DIAPH1: variants seen among roughly 807,000 people sequenced by gnomAD.
DIAPH1 encodes the protein diaphanous related formin 1.
In DIAPH1, 46 loss-of-function variants were observed where a neutral mutation model predicts 140.7. The ratio of observed to expected loss-of-function variants is 0.33; its 90% CI spans 0.26 to 0.42. The LOEUF (loss-of-function observed/expected upper bound fraction) is 0.42. DIAPH1 is among the 10% of genes least tolerant of loss of function. DIAPH1 has a pLI of 1.00. For missense variants in DIAPH1, 1,310 were observed against 1,558.7 expected, an observed-to-expected ratio of 0.84 and a Z score of 2.69; for synonymous variants, 565 against 551.6, an observed-to-expected ratio of 1.02 and a Z score of -0.34.
intron 1 of DIAPH1, among the ~76,000 whole-genome samples, chr5:141,603,951 C>T (rs904781471): frequency 6.6e-6 from 1 of 152,192 alleles, no homozygotes; most frequent in Non-Finnish European, 1.5e-5. Context: ...GGAAAGGCCA[C>T]GCTGGTATCA....
In DIAPH1 at chr5:141,528,706, C is replaced by G. The variant is rs1244487491; in HGVS notation, c.3014G>C (p.Cys1005Ser). The change falls in exon 22 of 28, where the codon TGT becomes TCT. Residue 1005 changes from cysteine (C) to serine (S), a missense_variant. Around this residue, in one of 3 missense-constraint regions of DIAPH1, gnomAD observed 344 missense variants for 512.2 expected, o/e 0.67. Coordinates refer to ENST00000389054, the MANE Select transcript of DIAPH1 (RefSeq NM_005219.5). ...TGCCCTACCTCTTTGGCTCACCTTA[C>G]AGAGGAAGCTGATATTGAAGCCAAA... ...GAFGFNISFL[C>S]KLRDTKSTDQ... The G allele has an allele frequency of 1.2e-6, 2 of 1,614,228 alleles. No homozygotes were observed. The highest frequency in any genetic ancestry group is 3.3e-5 in the Admixed American group (2 of 60,030).
At position 141,612,024 on chromosome 5, in the gene DIAPH1, G is replaced by C. The variant is rs572955195; in HGVS notation, c.117+6774C>G. ...AGAGGCTCCGGTAAGCCGAGATTAT[G>C]CCACTGTACTCCAGCCTGAGCGACG... On this transcript the variant is annotated intron_variant, in intron 1 of 27. Transcript: ENST00000389054. Among the ~76,000 whole-genome samples the C allele has an allele frequency of 1.2e-4, 18 of 152,240 alleles. 1 individual carries two copies. In the South Asian group the frequency reaches 3.5e-3, roughly 30 times the overall value.
intron 18 of DIAPH1, among the ~76,000 whole-genome samples, chr5:141,543,846 T>C (rs544976205): frequency 1.3e-5 from 2 of 152,352 alleles, no homozygotes; most frequent in Admixed American, 1.3e-4. Flanking sequence ...GTGAATTATA[T>C]GTCAATACAA....
rs1047420030 is a variant in DIAPH1, at chr5:141,578,161, G to A, written c.1163+64C>T. The A allele has an allele frequency of 3.4e-6, 4 of 1,186,216 alleles. No individual in the cohort carries two copies. In the African/African-American group the frequency reaches 4.5e-5, roughly 13 times the overall value. The allele number at this position is 1,186,216 out of a possible 1,614,324, so 73.5% of individuals were successfully genotyped here. A position where few individuals can be genotyped will look rare whatever the true frequency, so the allele number is the denominator to read the frequency against. ...ATCATCTCCCAAACCATTCCACACA[G>A]GGATCAGGGAACTAAATACAATGAA... On this transcript the variant is annotated intron_variant, in intron 11 of 27. Transcript: ENST00000389054.
intron 18 of DIAPH1, chr5:141,563,693 T>C (rs2099893936): frequency 6.6e-6 from 1 of 152,206 alleles, no homozygotes; most frequent in African/African-American, 2.4e-5. Context: ...ACTTAAAAGA[T>C]ACCATTTCAG....
In DIAPH1 at chr5:141,526,037, C is replaced by A. The variant is rs1297386864; in HGVS notation, c.3574+1G>T. 6.2e-7 allele frequency: 1 copy of A among 1,614,024 alleles called. No homozygotes were observed. The highest frequency in any genetic ancestry group is 8.5e-7 in the Non-Finnish European group (1 of 1,180,034). ...CCCATCAACCCGTCTTCACTCCTCA[C>A]CTGCATTCATGTCTATGAGTTGCTC... is the stretch of plus-strand genomic sequence containing the variant. On this transcript the variant is annotated splice_donor_variant, in intron 26 of 27. Transcript: ENST00000389054. LOFTEE classifies it high-confidence loss of function.
At chr5:141,594,493 G>A (rs573539497) in intron 1 of DIAPH1, among the ~76,000 whole-genome samples, 2 of 152,318 alleles carry the variant, frequency 1.3e-5, no homozygotes, top group South Asian at 4.1e-4. Context: ...TGTAAACATG[G>A]CACTCTGGGA....
intron 14 of DIAPH1, 31 bp downstream of exon 14, chr5:141,576,199 C>G: frequency 6.6e-7 from 1 of 1,515,670 alleles, no homozygotes; most frequent in Non-Finnish European, 9.2e-7. Flanking sequence ...AAGATATACT[C>G]AAACACATGT....
chr5:141,524,457 C>A, intron 26 of DIAPH1: 4 of 575,214 alleles, frequency 7.0e-6, no homozygotes, highest in South Asian at 3.8e-5. Flanking sequence ...TTATCCAATG[C>A]AGACCTTGGG....
In DIAPH1 at chr5:141,516,898, G is replaced by C. The variant is rs751282493; in HGVS notation, c.3772C>G (p.Pro1258Ala). The C allele has an allele frequency of 6.2e-7, 1 of 1,614,084 alleles. No individual in the cohort carries two copies. The highest frequency in any genetic ancestry group is 1.7e-5 in the Admixed American group (1 of 60,010). ...TCCTTGGCTTCCTCAAGGATTGTGG[G>C]GAATGTCTCACTGTTCTTGGACACC... Reference protein sequence around the residue: ...AKVSKNSETFPTILEEAKELV... With the variant: ...AKVSKNSETFATILEEAKELV... The change falls in exon 28 of 28, where the codon CCC (proline) becomes GCC (alanine). Residue 1258 changes from proline to alanine, a missense_variant. Around this residue, in one of 3 missense-constraint regions of DIAPH1, gnomAD observed 344 missense variants for 512.2 expected, o/e 0.67. Transcript: ENST00000389054.
intron 1 of DIAPH1, among the ~76,000 whole-genome samples, chr5:141,603,951 C>G (rs904781471): frequency 6.6e-6 from 1 of 152,192 alleles, no homozygotes; most frequent in African/African-American, 2.4e-5. Context: ...GGAAAGGCCA[C>G]GCTGGTATCA....
intron 18 of DIAPH1, among the ~76,000 whole-genome samples, chr5:141,539,135 G>C (rs2099889549): frequency 6.6e-6 from 1 of 151,864 alleles, no homozygotes; most frequent in Non-Finnish European, 1.5e-5. Context: ...AAATTATCTA[G>C]GCATGGTGGC....
At chr5:141,547,702 GTA>G (rs1267929290) in intron 18 of DIAPH1, among the ~76,000 whole-genome samples, 1 of 152,154 alleles carries the variant, frequency 6.6e-6, no homozygotes, top group Non-Finnish European at 1.5e-5. Flanking sequence ...TCCAACATAT[GTA>G]TAACTGGAGG....
chr5:141,583,464 T>C (rs1297804438), intron 5 of DIAPH1, 21 bp downstream of exon 5: 6 of 1,614,208 alleles, frequency 3.7e-6, no homozygotes, highest in Non-Finnish European at 5.1e-6. Flanking sequence ...CCTACTCCTG[T>C]TACCTCCTCA....
intron 16 of DIAPH1, 120 bp downstream of exon 16, chr5:141,573,372 T>C (rs1386016966): frequency 4.0e-6 from 5 of 1,260,422 alleles, no homozygotes; most frequent in Non-Finnish European, 5.6e-6. Context: ...GAGGCGGAGC[T>C]TGCAGTGAGC....
At chr5:141,613,893 C>T (rs1488243024) in intron 1 of DIAPH1, among the ~76,000 whole-genome samples, 1 of 151,984 alleles carries the variant, frequency 6.6e-6, no homozygotes, top group Non-Finnish European at 1.5e-5. Flanking sequence ...CCCCTAATTC[C>T]CCAAAGGCCT....
chr5:141,521,926 T>A (rs1353804856), intron 27 of DIAPH1, among the ~76,000 whole-genome samples: 3 of 152,158 alleles, frequency 2.0e-5, no homozygotes, highest in Non-Finnish European at 4.4e-5. Flanking sequence ...CAACTCTCAT[T>A]TTATACCTGA....
At chr5:141,578,143 C>T in intron 11 of DIAPH1, 82 bp downstream of exon 11, 1 of 1,051,256 alleles carries the variant, frequency 9.5e-7, no homozygotes, top group Non-Finnish European at 1.5e-6. Flanking sequence ...GTCATCATCT[C>T]CCAAACCATT....
In DIAPH1 at chr5:141,526,555, A is replaced by G. The variant is rs868616891; in HGVS notation, c.3274-94T>C. 2.7e-6 allele frequency: 4 copies of G among 1,478,440 alleles called. No homozygotes were observed. The Middle Eastern group carries it at 6.9e-4, about 255-fold the overall frequency. The allele number at this position is 1,478,440 out of a possible 1,614,324, so 91.6% of individuals were successfully genotyped here. On this transcript the variant is annotated intron_variant, in intron 24 of 27. Transcript: ENST00000389054. ...TACTCAAAGATGAGTACTGGCATGC[A>G]AAGGGATGTTCAATACAGCACTGTT...
Sources: allele counts gnomAD v4.1 joint callset (sites outside exome capture counted in the v4.1 genomes callset), GRCh38; gene constraint gnomAD v4.1.1; regional missense constraint gnomAD v4.1.1; transcripts MANE v1.5; gene names NCBI Gene and HGNC (gene_info 2026-07-23, HGNC 2026-07-21).